Variants in SPIDR observed in about 807,000 individuals in gnomAD.
The protein encoded by SPIDR is scaffold protein involved in DNA repair.
SPIDR carries 93 observed loss-of-function variants against 104.6 expected under a neutral mutation model. The ratio of observed to expected loss-of-function variants is 0.89; its 90% CI spans 0.75 to 1.06. SPIDR has a LOEUF of 1.06. Among genes scored for constraint, SPIDR ranks in the 50% least tolerant of loss-of-function variants. The pLI, the probability that SPIDR is intolerant of heterozygous loss-of-function variation, is 0.00. For synonymous variants in SPIDR, 431 were observed against 416.9 expected (o/e 1.03, Z -0.41); for missense variants, 1,154 against 1,111.2 (o/e 1.04, Z -0.55).
intron 7 of SPIDR, among the ~76,000 whole-genome samples, chr8:47,409,205 G>C (rs1210041354): frequency 3.3e-5 from 5 of 151,706 alleles, no homozygotes; most frequent in African/African-American, 1.2e-4. Context: ...GAAAAAGAAT[G>C]AAATACTTAG....
At chr8:47,342,638 G>A (rs2051010396) in intron 5 of SPIDR, among the ~76,000 whole-genome samples, 1 of 152,038 alleles carries the variant, frequency 6.6e-6, no homozygotes, top group African/African-American at 2.4e-5. Context: ...CACCCGGCCT[G>A]AAATGTCTTA....
intron 6 of SPIDR, among the ~76,000 whole-genome samples, chr8:47,404,936 A>G (rs1370522409): frequency 2.0e-5 from 3 of 152,226 alleles, no homozygotes; most frequent in Non-Finnish European, 4.4e-5. Context: ...CACAATAGCC[A>G]AGACTTGGAA....
chr8:47,310,291 G>A (rs2043896075), intron 5 of SPIDR, among the ~76,000 whole-genome samples: 1 of 142,320 alleles, frequency 7.0e-6, no homozygotes, highest in African/African-American at 2.6e-5. Context: ...CTGAGATCGC[G>A]CCGCTGCACT....
Position 47,735,509 on chromosome 8 carries a change from G to T in SPIDR, c.*59G>T, listed in dbSNP as rs763402363. 3 of 1,611,316 alleles carry T rather than the reference G, an allele frequency of 1.9e-6. No homozygotes were observed. In the African/African-American group the frequency reaches 4.0e-5, roughly 22 times the overall value. ...GGCTGCAAGGGTGGTGGTGGTGGTG[G>T]TGATTTGGGGTAGTTATTTGTTAAC... On this transcript the variant is annotated 3_prime_UTR_variant, in exon 20 of 20. Transcript: ENST00000297423.
intron 8 of SPIDR, among the ~76,000 whole-genome samples, chr8:47,493,016 G>GGA (rs35531714): frequency 1.1e-4 from 15 of 140,394 alleles, no homozygotes; most frequent in East Asian, 4.3e-4. Flanking sequence ...TTGAGCCATT[G>GGA]GAGAGAGAGA....
intron 1 of SPIDR, among the ~76,000 whole-genome samples, chr8:47,269,222 G>A (rs1205206372): frequency 1.5e-5 from 2 of 133,450 alleles, no homozygotes; most frequent in African/African-American, 5.7e-5. Context: ...ATCCATGATC[G>A]TGCTACTGCA....
intron 8 of SPIDR, among the ~76,000 whole-genome samples, chr8:47,504,954 G>T (rs1395294696): frequency 1.3e-5 from 2 of 152,198 alleles, no homozygotes; most frequent in Non-Finnish European, 2.9e-5. Context: ...GCTGATATTG[G>T]TGAACAGCAA....
At chr8:47,481,392 A>G (rs1564092169) in intron 8 of SPIDR, among the ~76,000 whole-genome samples, 1 of 152,148 alleles carries the variant, frequency 6.6e-6, no homozygotes, top group South Asian at 2.1e-4. Flanking sequence ...ATTCCAGCAC[A>G]TTGGGAGGCC....
At chr8:47,589,905 C>A (rs201205517) in intron 8 of SPIDR, among the ~76,000 whole-genome samples, 1 of 152,182 alleles carries the variant, frequency 6.6e-6, no homozygotes, top group East Asian at 1.9e-4. Context: ...CGGTGACTCA[C>A]CCCTGTAATC....
chr8:47,312,672 GC>G (rs1554586372), intron 5 of SPIDR, among the ~76,000 whole-genome samples: 1 of 152,242 alleles, frequency 6.6e-6, no homozygotes. Flanking sequence ...TTTGTAGGTT[GC>G]CTGTTCACTC....
rs782521786 is a variant in SPIDR, at chr8:47,440,509, G to A, written c.1064G>A (p.Arg355His). ...GAGACTGCAGGCTACCTCAGGGGCC[G>A]TCCCCAGGACACTGTCCGGATCTTC... is the stretch of plus-strand genomic sequence containing the variant. ...TKETAGYLRG[R>H]PQDTVRIFPP... The change falls in exon 8 of 20, where the codon CGT becomes CAT. Residue 355 changes from arginine to histidine, a missense_variant. Coordinates refer to ENST00000297423, the MANE Select transcript of SPIDR (RefSeq NM_001080394.4). 18 of 1,614,068 alleles carry A rather than the reference G, an allele frequency of 1.1e-5. No homozygotes were observed. Among genetic ancestry groups the A allele is most frequent in the South Asian group, 4.4e-5 (4 of 91,092 alleles).
intron 5 of SPIDR, among the ~76,000 whole-genome samples, chr8:47,328,009 T>C (rs1554601544): frequency 2.0e-5 from 3 of 151,788 alleles, no homozygotes; most frequent in African/African-American, 7.3e-5. Flanking sequence ...TGTTTTTTTT[T>C]TGGTTTTTTT....
At chr8:47,321,932 AC>A (rs1554596104) in intron 5 of SPIDR, among the ~76,000 whole-genome samples, 1 of 152,182 alleles carries the variant, frequency 6.6e-6, no homozygotes. Flanking sequence ...TACACCTTAT[AC>A]TAAAATTAAT....
intron 9 of SPIDR, 118 bp from the exon 10 acceptor site, chr8:47,598,828 A>G (rs1274444318): frequency 4.7e-6 from 6 of 1,284,984 alleles, no homozygotes; most frequent in Non-Finnish European, 6.5e-6. Context: ...AGTGTAGTGC[A>G]GATCCATTGG....
At chr8:47,621,021 A>G (rs2065080832) in intron 10 of SPIDR, among the ~76,000 whole-genome samples, 3 of 151,792 alleles carry the variant, frequency 2.0e-5, no homozygotes. Context: ...CAGTGGCACA[A>G]TCTCAGCTCA....
intron 8 of SPIDR, chr8:47,592,184 G>T: frequency 7.2e-7 from 1 of 1,390,602 alleles, no homozygotes; most frequent in Non-Finnish European, 1.0e-6. Context: ...TCATGCTCTA[G>T]CTGTTTCTAT....
chr8:47,442,478 G>A (rs952528722), intron 8 of SPIDR, among the ~76,000 whole-genome samples: 11 of 152,140 alleles, frequency 7.2e-5, no homozygotes, highest in Non-Finnish European at 1.2e-4. Flanking sequence ...CACGGAGTAG[G>A]GCTTTAAAGG....
chr8:47,482,399 A>T (rs1450608834), intron 8 of SPIDR, among the ~76,000 whole-genome samples: 1 of 152,072 alleles, frequency 6.6e-6, no homozygotes, highest in African/African-American at 2.4e-5. Flanking sequence ...GTGCCACTGC[A>T]TTCCAGCCTG....
intron 16 of SPIDR, among the ~76,000 whole-genome samples, chr8:47,726,246 G>A (rs1265775329): frequency 1.3e-5 from 2 of 152,176 alleles, no homozygotes; most frequent in Non-Finnish European, 2.9e-5. Context: ...AGTATGCATT[G>A]CATGAATGCA....
Sources: allele counts gnomAD v4.1 joint callset (sites outside exome capture counted in the v4.1 genomes callset), GRCh38; gene constraint gnomAD v4.1.1; transcripts MANE v1.5; gene names NCBI Gene and HGNC (gene_info 2026-07-23, HGNC 2026-07-21).